The following NLGN1 variants were observed in gnomAD, a reference collection of about 807,000 sequenced individuals.
NLGN1 encodes the protein neuroligin 1, also known as neuroligin-1.
NLGN1 carries 12 observed loss-of-function variants against 65.5 expected under a neutral mutation model. That is an observed-to-expected ratio of 0.18 (90% CI 0.12 to 0.30). The LOEUF (loss-of-function observed/expected upper bound fraction) is 0.30. Ranked by LOEUF, NLGN1 falls within the 10% of genes least tolerant of loss-of-function variation. The pLI, the probability that NLGN1 is intolerant of heterozygous loss-of-function variation, is 1.00. For synonymous variants in NLGN1, 350 were observed against 359.5 expected (o/e 0.97, Z 0.30); for missense variants, 750 against 1,007.1 (o/e 0.74, Z 3.46).
chr3:173,489,863 T>G (rs867095673), intron 2 of NLGN1, among the ~76,000 whole-genome samples: 7 of 152,250 alleles, frequency 4.6e-5, no homozygotes, highest in South Asian at 2.1e-4. Context: ...TCATGTGTCT[T>G]TTGGCTGCAT....
chr3:173,506,588 A>G (rs1732075373), intron 2 of NLGN1, among the ~76,000 whole-genome samples: 1 of 152,106 alleles, frequency 6.6e-6, no homozygotes, highest in Non-Finnish European at 1.5e-5. Flanking sequence ...CCTTGAAATT[A>G]TGGTAGCTAT....
At chr3:173,583,854 G>A (rs1302809219) in intron 2 of NLGN1, among the ~76,000 whole-genome samples, 2 of 152,170 alleles carry the variant, frequency 1.3e-5, no homozygotes, top group South Asian at 4.1e-4. Flanking sequence ...AGTCCCAAAT[G>A]AGTAAGAGAT....
intron 4 of NLGN1, among the ~76,000 whole-genome samples, chr3:173,893,422 A>G (rs1735730571): frequency 6.6e-6 from 1 of 152,208 alleles, no homozygotes; most frequent in Non-Finnish European, 1.5e-5. Context: ...TGTATCAATC[A>G]TACCTTTCTC....
rs371123341 is a variant in NLGN1 at position 174,039,423 on chromosome 3, T to TG, written c.646+231592dup. 2.4e-3 allele frequency among the ~76,000 whole-genome samples: 372 copies of TG among 152,056 alleles called. 3 individuals carry two copies. The highest frequency in any genetic ancestry group is 8.4e-3 in the African/African-American group (349 of 41,478). On this transcript the variant is annotated intron_variant, in intron 4 of 6. Transcript: ENST00000457714. ...TTTGTCCTAATGCTCTCTCTCCCCTTGCCCCCCATCCTCCGACAGGCCCCA... is the reference window on the plus strand; with the variant it reads ...TTTGTCCTAATGCTCTCTCTCCCCTTGGCCCCCCATCCTCCGACAGGCCCCA...
At chr3:174,100,532 T>C (rs1192532194) in intron 4 of NLGN1, among the ~76,000 whole-genome samples, 1 of 141,162 alleles carries the variant, frequency 7.1e-6, no homozygotes, top group Non-Finnish European at 1.5e-5. Flanking sequence ...TTAGGATCTG[T>C]CTCTGTCTGC....
intron 4 of NLGN1, among the ~76,000 whole-genome samples, chr3:174,097,138 T>C (rs1745687984): frequency 6.6e-6 from 1 of 152,132 alleles, no homozygotes; most frequent in Non-Finnish European, 1.5e-5. Flanking sequence ...TAGATATAAA[T>C]GATTATAATT....
chr3:173,819,214 C>T (rs1719671332), intron 4 of NLGN1, among the ~76,000 whole-genome samples: 1 of 152,104 alleles, frequency 6.6e-6, no homozygotes, highest in Non-Finnish European at 1.5e-5. Context: ...ATTGCTACTA[C>T]CTACTCACCT....
chr3:173,873,697 C>T (rs1441601736), intron 4 of NLGN1, among the ~76,000 whole-genome samples: 2 of 152,144 alleles, frequency 1.3e-5, no homozygotes, highest in Non-Finnish European at 2.9e-5. Flanking sequence ...TCTGTAAAAG[C>T]TTCTTCTCTT....
At chr3:174,145,873 A>G (rs9811145) in intron 4 of NLGN1, among the ~76,000 whole-genome samples, 10,693 of 152,284 alleles carry the variant, frequency 0.07, 514 homozygotes, top group African/African-American at 0.13. Context: ...ACAAACTCCA[A>G]TAGGAGGGAG....
At chr3:173,613,393 C>G (rs1217630320) in intron 3 of NLGN1, among the ~76,000 whole-genome samples, 2 of 152,020 alleles carry the variant, frequency 1.3e-5, no homozygotes, top group South Asian at 4.1e-4. Context: ...ATTTTCTGTG[C>G]CCTCCTGAGA....
chr3:174,271,004 C>T (rs1227321647), intron 4 of NLGN1, among the ~76,000 whole-genome samples: 5 of 151,772 alleles, frequency 3.3e-5, no homozygotes, highest in Non-Finnish European at 5.9e-5. Flanking sequence ...TCAGTATGGT[C>T]TCTATTTTGA....
intron 4 of NLGN1, among the ~76,000 whole-genome samples, chr3:174,102,739 G>A (rs757291288): frequency 6.6e-6 from 1 of 152,138 alleles, no homozygotes; most frequent in Admixed American, 6.6e-5. Flanking sequence ...ACAGCCCAGG[G>A]AATTCAAGTT....
At chr3:173,686,904 G>A (rs1418570233) in intron 3 of NLGN1, among the ~76,000 whole-genome samples, 1 of 151,754 alleles carries the variant, frequency 6.6e-6, no homozygotes, top group African/African-American at 2.4e-5. Flanking sequence ...AGTGAGCCGA[G>A]ATCACGCCAT....
At chr3:173,581,539 G>A (rs1054423568) in intron 2 of NLGN1, among the ~76,000 whole-genome samples, 1 of 151,930 alleles carries the variant, frequency 6.6e-6, no homozygotes, top group African/African-American at 2.4e-5. Flanking sequence ...AGAGCTAGTT[G>A]AGGATTACAT....
intron 4 of NLGN1, among the ~76,000 whole-genome samples, chr3:173,913,013 A>T (rs1291161914): frequency 6.6e-6 from 1 of 152,160 alleles, no homozygotes; most frequent in African/African-American, 2.4e-5. Context: ...AACAACAGCG[A>T]CTAGAATGCA....
intron 4 of NLGN1, among the ~76,000 whole-genome samples, chr3:173,979,787 A>G (rs1718350642): frequency 6.6e-6 from 1 of 152,108 alleles, no homozygotes; most frequent in Non-Finnish European, 1.5e-5. Context: ...CGTGTTATTG[A>G]CTGCTTGTGC....
At chr3:174,119,671 TA>T (rs1176803382) in intron 4 of NLGN1, among the ~76,000 whole-genome samples, 1 of 152,212 alleles carries the variant, frequency 6.6e-6, no homozygotes, top group Non-Finnish European at 1.5e-5. Context: ...ACTTAGAAGC[TA>T]AACTAGCTTC....
At position 174,135,074 on chromosome 3, in the gene NLGN1, T is replaced by A. The variant is rs551616519; in HGVS notation, c.647-140241T>A. 2.0e-5 allele frequency among the ~76,000 whole-genome samples: 3 copies of A among 152,340 alleles called. No homozygotes were observed. In the East Asian group the frequency reaches 5.8e-4, roughly 29 times the overall value. On this transcript the variant is annotated intron_variant, in intron 4 of 6. Transcript: ENST00000457714. ...CATTTTCCTAATGTCTTTATTATAA[T>A]ACCTATCATTCTGATCATCCCACGT...
At chr3:173,597,378 T>C (rs1287789657) in intron 2 of NLGN1, among the ~76,000 whole-genome samples, 1 of 152,214 alleles carries the variant, frequency 6.6e-6, no homozygotes, top group African/African-American at 2.4e-5. Context: ...ACATGAACTA[T>C]GTAAAGTGTT....
Sources: gnomAD v4.1 joint callset for allele counts (sites outside exome capture counted in the v4.1 genomes callset) on GRCh38, gnomAD v4.1.1 for gene constraint, MANE v1.5 for transcripts, NCBI Gene and HGNC (gene_info 2026-07-23, HGNC 2026-07-21) for gene names.